Variants in EXOC6 observed in about 807,000 individuals in gnomAD.
The protein encoded by EXOC6 is exocyst complex component 6.
A neutral mutation model predicts 112.5 loss-of-function variants in EXOC6; 60 were observed. The observed-to-expected ratio is 0.53, with a 90% confidence interval of 0.43 to 0.66. EXOC6 has a LOEUF of 0.66. EXOC6 is among the 30% of genes least tolerant of loss of function. EXOC6 has a pLI of 0.00. For synonymous variants in EXOC6, 295 were observed against 308.0 expected (o/e 0.96, Z 0.44); for missense variants, 855 against 957.1 (o/e 0.89, Z 1.41).
At chr10:92,978,796 A>G (rs1842724881) in intron 18 of EXOC6, among the ~76,000 whole-genome samples, 1 of 152,210 alleles carries the variant, frequency 6.6e-6, no homozygotes, top group South Asian at 2.1e-4. Context: ...GAAGCTTCAG[A>G]CGAAGCTTAT....
chr10:92,834,698 A>G (rs947366705), upstream of EXOC6: 1 of 1,518,216 alleles, frequency 6.6e-7, no homozygotes, highest in Non-Finnish European at 9.0e-7. Context: ...TTCACTCAAT[A>G]TCTGACATCT....
At chr10:93,047,211 A>T (rs1054315498) in intron 20 of EXOC6, among the ~76,000 whole-genome samples, 6 of 152,146 alleles carry the variant, frequency 3.9e-5, no homozygotes, top group Admixed American at 2.0e-4. Context: ...TGATGTCTGA[A>T]CTAGGACAGG....
chr10:92,919,889 C>T, intron 7 of EXOC6, 93 bp from the exon 8 acceptor site: 1 of 706,734 alleles, frequency 1.4e-6, no homozygotes, highest in Non-Finnish European at 2.3e-6. Flanking sequence ...ACACAAAGTT[C>T]ATGAATCTTC....
At chr10:92,873,461 C>T (rs1184325360) in intron 1 of EXOC6, among the ~76,000 whole-genome samples, 1 of 151,990 alleles carries the variant, frequency 6.6e-6, no homozygotes, top group Admixed American at 6.6e-5. Flanking sequence ...CAGAAATATA[C>T]AGAAAATCGT....
At chr10:93,005,158 G>C (rs1843919223) in intron 19 of EXOC6, among the ~76,000 whole-genome samples, 1 of 152,138 alleles carries the variant, frequency 6.6e-6, no homozygotes, top group South Asian at 2.1e-4. Flanking sequence ...CTTTGTAAAA[G>C]TATATGGTAT....
intron 1 of EXOC6, among the ~76,000 whole-genome samples, chr10:92,865,940 T>G (rs776755846): frequency 2.0e-5 from 3 of 152,090 alleles, no homozygotes; most frequent in African/African-American, 4.8e-5. Flanking sequence ...TGGGTCATCA[T>G]AAAAGTCTTC....
rs749835819 is a variant in EXOC6 at position 92,894,813 on chromosome 10, A to G, written c.293A>G (p.Asn98Ser). The G allele has an allele frequency of 2.4e-5, 39 of 1,613,592 alleles. No homozygotes were observed. The highest frequency in any genetic ancestry group is 5.0e-5 in the Admixed American group (3 of 59,970). The change falls in exon 3 of 22, where the codon AAC (asparagine) becomes AGC (serine). Residue 98 changes from asparagine to serine, a missense_variant. By Grantham distance (46) the Asn-to-Ser change is conservative. This residue lies in a region of EXOC6 where 405 missense variants were observed against 393.6 expected (regional missense o/e 1.03). Coordinates refer to ENST00000260762, the MANE Select transcript of EXOC6 (RefSeq NM_019053.6). ...EKLKVQVTDTNRRFQDAGKEV... is the reference protein window; with the variant it reads ...EKLKVQVTDTSRRFQDAGKEV... ...TTTAAGGTGCAAGTTACTGATACCA[A>G]CCGAAGGTTTCAAGATGCTGGAAAA...
chr10:92,975,817 A>C (rs1235834141), intron 18 of EXOC6, among the ~76,000 whole-genome samples: 10 of 130,966 alleles, frequency 7.6e-5, no homozygotes, highest in Admixed American at 3.7e-4. Flanking sequence ...GCGCCCGGCC[A>C]GCCGCCCCGT....
chr10:93,049,808 G>A (rs944035701), intron 20 of EXOC6, among the ~76,000 whole-genome samples: 11 of 152,038 alleles, frequency 7.2e-5, no homozygotes, highest in Admixed American at 3.3e-4. Flanking sequence ...CAAACTCCTA[G>A]TCTCAAGCCT....
intron 1 of EXOC6, among the ~76,000 whole-genome samples, chr10:92,867,814 A>G (rs566261145): frequency 2.6e-5 from 4 of 152,314 alleles, no homozygotes; most frequent in African/African-American, 7.2e-5. Flanking sequence ...GGCAGTAATC[A>G]ATTGTATTCC....
intron 19 of EXOC6, among the ~76,000 whole-genome samples, chr10:92,999,961 C>T (rs1240180972): frequency 6.6e-6 from 1 of 152,182 alleles, no homozygotes; most frequent in Non-Finnish European, 1.5e-5. Flanking sequence ...GCCTCGGCCT[C>T]CCAAAGTGCT....
chr10:92,902,758 C>G (rs1304656263), intron 5 of EXOC6, among the ~76,000 whole-genome samples: 1 of 152,122 alleles, frequency 6.6e-6, no homozygotes. Context: ...GCTCATACCT[C>G]CTTCCAATTT....
intron 5 of EXOC6, 133 bp downstream of exon 5, chr10:92,899,777 T>C: frequency 3.4e-6 from 2 of 595,858 alleles, no homozygotes; most frequent in Non-Finnish European, 5.7e-6. Context: ...GTACTTAAAA[T>C]TTGCGCATCA....
chr10:92,982,206 T>C lies in EXOC6; in HGVS notation c.1953+7974T>C, dbSNP rs190469035. ...TGGTTCTCTATGTGGTAATTTGGGG[T>C]ATTTTTCAAGAAAATCTCACATCAG... On this transcript the variant is annotated intron_variant, in intron 18 of 21. Coordinates refer to ENST00000260762, the MANE Select transcript of EXOC6 (RefSeq NM_019053.6). Among the ~76,000 whole-genome samples, 14 of 152,302 alleles carry C rather than the reference T, an allele frequency of 9.2e-5. No individual in the cohort carries two copies. In the East Asian group the frequency reaches 1.7e-3, roughly 19 times the overall value.
In EXOC6 at chr10:92,952,038, T is replaced by C. The variant is rs566035393; in HGVS notation, c.1417-235T>C. On this transcript the variant is annotated intron_variant, in intron 14 of 21. Coordinates refer to ENST00000260762, the MANE Select transcript of EXOC6 (RefSeq NM_019053.6). Reference sequence around the variant, plus strand: ...AGAATACACCAGAGGTATTGGTATGTGTTTTCTCTGCTTGTTGGAAGTCTG... The same window carrying C: ...AGAATACACCAGAGGTATTGGTATGCGTTTTCTCTGCTTGTTGGAAGTCTG... Among the ~76,000 whole-genome samples, 302 of 152,270 alleles carry C rather than the reference T, an allele frequency of 2.0e-3. 5 individuals carry two copies. Among genetic ancestry groups the C allele is most frequent in the Non-Finnish European group, 1.6e-3 (106 of 68,020 alleles).
intron 1 of EXOC6, among the ~76,000 whole-genome samples, chr10:92,892,242 A>G (rs1849541811): frequency 6.6e-6 from 1 of 152,234 alleles, no homozygotes; most frequent in African/African-American, 2.4e-5. Context: ...TCAAAAAACT[A>G]CACAGATTAA....
chr10:92,995,783 A>G (rs1321404108), intron 18 of EXOC6, among the ~76,000 whole-genome samples: 1 of 152,170 alleles, frequency 6.6e-6, no homozygotes, highest in Non-Finnish European at 1.5e-5. Context: ...TATCTGTCAA[A>G]TATATTGTTT....
At chr10:92,853,383 A>G (rs1847442795) in intron 1 of EXOC6, among the ~76,000 whole-genome samples, 1 of 152,232 alleles carries the variant, frequency 6.6e-6, no homozygotes, top group African/African-American at 2.4e-5. Context: ...ATTTATAGAA[A>G]TTGACAAGCT....
chr10:93,055,713 A>G (rs1018835795), intron 20 of EXOC6, among the ~76,000 whole-genome samples: 4 of 94,042 alleles, frequency 4.3e-5, no homozygotes, highest in Non-Finnish European at 9.4e-5. Context: ...AACTGTTGGT[A>G]TGGCCCAGAA....
Sources: allele counts gnomAD v4.1 joint callset (sites outside exome capture counted in the v4.1 genomes callset), GRCh38; gene constraint gnomAD v4.1.1; regional missense constraint gnomAD v4.1.1; transcripts MANE v1.5; gene names NCBI Gene and HGNC (gene_info 2026-07-23, HGNC 2026-07-21).